Variants in MRC2 observed in about 807,000 individuals in gnomAD.
MRC2 encodes C-type mannose receptor 2.
In MRC2, 84 loss-of-function variants were observed where a neutral mutation model predicts 206.2. The observed-to-expected ratio is 0.41, with a 90% CI of 0.34 to 0.49. MRC2 has a LOEUF of 0.49. MRC2 is among the 20% of genes least tolerant of loss of function. The pLI is 0.31. For synonymous variants in MRC2, 798 were observed against 800.0 expected, an observed-to-expected ratio of 1.00 and a Z score of 0.04; for missense variants, 1,676 against 2,001.5, an observed-to-expected ratio of 0.84 and a Z score of 3.10.
At chr17:62,669,044 G>A (rs999317809) in intron 6 of MRC2, among the ~76,000 whole-genome samples, 15 of 151,538 alleles carry the variant, frequency 9.9e-5, no homozygotes, top group Non-Finnish European at 1.2e-4. Context: ...TTCCTGCGAA[G>A]CTGTGGGGTG....
rs562083245 is a variant in MRC2 at position 62,666,644 on chromosome 17, C to G, written c.859+25C>G. The G allele has an allele frequency of 1.3e-5, 19 of 1,463,270 alleles. No homozygotes were observed. The highest frequency in any genetic ancestry group is 1.3e-4 in the African/African-American group (9 of 70,452). 90.6% of individuals were successfully genotyped at this position (1,463,270 alleles called of 1,614,324 possible). ...GGTGAGCCGGGGCCTGATGCCTGCT[C>G]GTGCCTCTGGAGGGCCCGGGCCCTT... On this transcript the variant is annotated intron_variant, in intron 4 of 29. Transcript: ENST00000303375. This position sits in a 1 kb window ranked among gnomAD's most constrained non-coding sequence, Gnocchi z 5.0.
chr17:62,646,922 C>A (rs1156453939), intron 1 of MRC2, among the ~76,000 whole-genome samples: 1 of 152,108 alleles, frequency 6.6e-6, no homozygotes, highest in Non-Finnish European at 1.5e-5. Flanking sequence ...ACTGTTAACA[C>A]CTGGGTATGT....
chr17:62,679,963 T>C, intron 14 of MRC2, 61 bp downstream of exon 14: 1 of 946,028 alleles, frequency 1.1e-6, no homozygotes, highest in Non-Finnish European at 1.5e-6. Flanking sequence ...GGGGCCTGTT[T>C]GGGGCGGGGC....
Position 62,692,226 on chromosome 17 carries a change from G to A in MRC2, c.4220-5G>A. On this transcript the variant is annotated splice_region_variant and splice_polypyrimidine_tract_variant and intron_variant, in intron 29 of 29. Transcript: ENST00000303375. This position sits in a 1 kb window ranked among gnomAD's most constrained non-coding sequence, Gnocchi z 4.2. The stretch of plus-strand genomic sequence containing the variant: ...TTGGCCTTTCACGCCCACTCGCCTT[G>A]GCAGCGCTTCCAGAGAACCCAGCGG... 1.9e-6 allele frequency: 3 copies of A among 1,612,330 alleles called. No individual in the cohort carries two copies. Among genetic ancestry groups the A allele is most frequent in the Non-Finnish European group, 2.5e-6 (3 of 1,178,958 alleles).
Position 62,680,552 on chromosome 17 carries a change from G to T in MRC2, c.2473+99G>T. 1 of 1,520,544 alleles carries T rather than the reference G, an allele frequency of 6.6e-7. No homozygotes were observed. Among genetic ancestry groups the T allele is most frequent in the Non-Finnish European group, 9.0e-7 (1 of 1,105,364 alleles). 94.2% of individuals were successfully genotyped at this position (1,520,544 alleles called of 1,614,324 possible). On this transcript the variant is annotated intron_variant, in intron 16 of 29. Transcript: ENST00000303375. The surrounding 1 kb of genome is among the most constrained non-coding windows in gnomAD (Gnocchi z 4.8). Reference sequence around the variant, plus strand: ...GCCTGAATGAAATGGAGGGGATGAGGAGTTCCGGTCGAGAGAAGGGGGACG... The same window carrying T: ...GCCTGAATGAAATGGAGGGGATGAGTAGTTCCGGTCGAGAGAAGGGGGACG...
intron 1 of MRC2, among the ~76,000 whole-genome samples, chr17:62,634,688 T>C (rs896297760): frequency 1.3e-5 from 2 of 152,162 alleles, no homozygotes; most frequent in Non-Finnish European, 2.9e-5. Flanking sequence ...CTTTGTGACC[T>C]GTGTCTTGTG....
At position 62,677,369 on chromosome 17, in the gene MRC2, G is replaced by T; in HGVS notation, c.1935G>T (p.Arg645=). 6.2e-7 allele frequency: 1 copy of T among 1,610,016 alleles called. No homozygotes were observed. Among genetic ancestry groups the T allele is most frequent in the Admixed American group, 1.7e-5 (1 of 59,524 alleles). The part of the protein sequence containing the change: ...CTSFRARYIC[R]QSLGTPVTPE... ...CGTTCCGGGCCCGCTACATCTGCCG[G>T]CAGAGCCTGGGCACTCCAGTGACGC... Residue 645 remains arginine, a synonymous_variant, in exon 12 of 30, where the codon CGG becomes CGT. Coordinates refer to ENST00000303375, the MANE Select transcript of MRC2 (RefSeq NM_006039.5).
chr17:62,680,443 C>G lies in MRC2; in HGVS notation c.2463C>G (p.Asp821Glu). Residue 821 changes from aspartate (D) to glutamate (E), a missense_variant, in exon 16 of 30, where the codon GAC becomes GAG. Around this residue, in one of 3 missense-constraint regions of MRC2, gnomAD observed 1,354 missense variants for 1,636.6 expected, o/e 0.83. Transcript: ENST00000303375. This position sits in a 1 kb window ranked among gnomAD's most constrained non-coding sequence, Gnocchi z 4.8. Reference protein sequence around the residue: ...PRGTDVREPDDSPQGRREWLR... With the variant: ...PRGTDVREPDESPQGRREWLR... ...GTACGGACGTGCGGGAGCCCGACGA[C>G]AGCCCTCAAGGTGAGCACCCCCCAG... 1 of 1,614,094 alleles carries G rather than the reference C, an allele frequency of 6.2e-7. No individual in the cohort carries two copies. Among genetic ancestry groups the G allele is most frequent in the South Asian group, 1.1e-5 (1 of 91,088 alleles).
At position 62,664,953 on chromosome 17, in the gene MRC2, AG is replaced by A; in HGVS notation, c.520+8del. 1 of 1,595,374 alleles carries A rather than the reference AG, an allele frequency of 6.3e-7. No individual in the cohort carries two copies. ...CTATGTGCTCTGCCCTACCACGGTG[AG>A]GGGCCGCTTGCAGGCGGGAGGGTGG... On this transcript the variant is annotated splice_donor_5th_base_variant and intron_variant, in intron 2 of 29. Transcript: ENST00000303375. The surrounding 1 kb of genome is among the most constrained non-coding windows in gnomAD (Gnocchi z 4.7).
rs536885277 is a variant in MRC2, at chr17:62,658,780, G to A, written c.119-5768G>A. 1.2e-4 allele frequency among the ~76,000 whole-genome samples: 18 copies of A among 152,252 alleles called. No individual in the cohort carries two copies. The South Asian group carries it at 3.5e-3, about 30-fold the overall frequency. Reference sequence around the variant, plus strand: ...AATTTTTTTCCTTTTCCGGCCCCAGGCCCCTTTGGCTACCTCCTGCCAAGG... The same window carrying A: ...AATTTTTTTCCTTTTCCGGCCCCAGACCCCTTTGGCTACCTCCTGCCAAGG... On this transcript the variant is annotated intron_variant, in intron 1 of 29. Transcript: ENST00000303375.
At chr17:62,681,172 G>C in intron 18 of MRC2, 43 bp downstream of exon 18, 1 of 1,598,146 alleles carries the variant, frequency 6.3e-7, no homozygotes, top group Non-Finnish European at 8.5e-7. Context: ...GGGGCTGGCT[G>C]TCCACACACG....
intron 20 of MRC2, among the ~76,000 whole-genome samples, chr17:62,682,933 G>A (rs551591099): frequency 2.0e-5 from 3 of 152,080 alleles, no homozygotes; most frequent in East Asian, 1.9e-4. Flanking sequence ...GAGCCACCGC[G>A]CCCGGCCTGA....
chr17:62,672,063 G>C lies in MRC2; in HGVS notation c.1372G>C (p.Gly458Arg). The change falls in exon 8 of 30, where the codon GGG becomes CGG. Residue 458 changes from glycine (G) to arginine (R), a missense_variant. Transcript: ENST00000303375. The surrounding 1 kb of genome is among the most constrained non-coding windows in gnomAD (Gnocchi z 4.5). Reference protein sequence around the residue: ...KLQMNFEWSDGSLVSFTHWHP... With the variant: ...KLQMNFEWSDRSLVSFTHWHP... ...GCAGATGAATTTTGAGTGGTCTGAC[G>C]GGAGCCTTGTGAGCTTCACCCACTG... The C allele has an allele frequency of 6.2e-7, 1 of 1,614,068 alleles. No individual in the cohort carries two copies. The highest frequency in any genetic ancestry group is 8.5e-7 in the Non-Finnish European group (1 of 1,180,026).
chr17:62,665,258 G>C (rs912969870), intron 2 of MRC2, among the ~76,000 whole-genome samples: 1 of 151,944 alleles, frequency 6.6e-6, no homozygotes, highest in African/African-American at 2.4e-5. Context: ...AAATTAGCCA[G>C]GTGTGGTGGA....
At position 62,667,704 on chromosome 17, in the gene MRC2, A is replaced by T. The variant is rs1165471006; in HGVS notation, c.1117+171A>T. On this transcript the variant is annotated intron_variant, in intron 6 of 29. Transcript: ENST00000303375. The surrounding 1 kb of genome is among the most constrained non-coding windows in gnomAD (Gnocchi z 4.1). ...AGTTAAAGTCTGAGCAAATTGGAATATGTCATTAATTCATTTGGGGAACAT... is the reference window on the plus strand; with the variant it reads ...AGTTAAAGTCTGAGCAAATTGGAATTTGTCATTAATTCATTTGGGGAACAT... 6.6e-6 allele frequency among the ~76,000 whole-genome samples: 1 copy of T among 152,250 alleles called. No homozygotes were observed. The highest frequency in any genetic ancestry group is 1.5e-5 in the Non-Finnish European group (1 of 68,046).
Position 62,664,967 on chromosome 17 carries a change from G to C in MRC2, c.520+18G>C. 1.9e-6 allele frequency: 3 copies of C among 1,582,280 alleles called. No homozygotes were observed. Among genetic ancestry groups the C allele is most frequent in the Non-Finnish European group, 2.6e-6 (3 of 1,166,272 alleles). The stretch of plus-strand genomic sequence containing the variant: ...CTACCACGGTGAGGGGCCGCTTGCA[G>C]GCGGGAGGGTGGGGTCCCCGATGTC... On this transcript the variant is annotated intron_variant, in intron 2 of 29. Coordinates refer to ENST00000303375, the MANE Select transcript of MRC2 (RefSeq NM_006039.5). This position sits in a 1 kb window ranked among gnomAD's most constrained non-coding sequence, Gnocchi z 4.7.
In MRC2 at chr17:62,666,531, G is replaced by A; in HGVS notation, c.771G>A (p.Leu257=). Residue 257 remains leucine (L), a synonymous_variant, in exon 4 of 30, where the codon CTG becomes CTA. Transcript: ENST00000303375. The surrounding 1 kb of genome is among the most constrained non-coding windows in gnomAD (Gnocchi z 5.0). ...ACCAGTTTAACTTCCAGTCCACGCT[G>A]TCGTGGAGGGAGGCCTGGGCCAGCT... ...SCYQFNFQST[L]SWREAWASCE... is the part of the protein sequence containing the mutation. 1 of 1,613,680 alleles carries A rather than the reference G, an allele frequency of 6.2e-7. No homozygotes were observed. Among genetic ancestry groups the A allele is most frequent in the East Asian group, 2.2e-5 (1 of 44,872 alleles).
At chr17:62,681,642 GC>G (rs562296509) in intron 18 of MRC2, 194 bp from the exon 19 acceptor site, 247 of 561,614 alleles carry the variant, frequency 4.4e-4, no homozygotes, top group Non-Finnish European at 6.6e-4. Flanking sequence ...GACAGCTGGG[GC>G]CTTATCTAGA....
At position 62,675,007 on chromosome 17, in the gene MRC2, C is replaced by T. The variant is rs1007086466; in HGVS notation, c.1570-783C>T. On this transcript the variant is annotated intron_variant, in intron 9 of 29. Coordinates refer to ENST00000303375, the MANE Select transcript of MRC2 (RefSeq NM_006039.5). This position sits in a 1 kb window ranked among gnomAD's most constrained non-coding sequence, Gnocchi z 4.1. ...ACACTAACAGGCATGGCCCCATGGG[C>T]GAGGAAGCAGAGGGGAGAGCAGAGC... Among the ~76,000 whole-genome samples, 1 of 152,086 alleles carries T rather than the reference C, an allele frequency of 6.6e-6. No homozygotes were observed. Among genetic ancestry groups the T allele is most frequent in the Non-Finnish European group, 1.5e-5 (1 of 68,008 alleles).
Sources: allele counts gnomAD v4.1 joint callset (sites outside exome capture counted in the v4.1 genomes callset), GRCh38; gene constraint gnomAD v4.1.1; regional missense constraint gnomAD v4.1.1; non-coding constraint Gnocchi (gnomAD v3.1); transcripts MANE v1.5; gene names NCBI Gene and HGNC (gene_info 2026-07-23, HGNC 2026-07-21).